The following PTCHD4 variants were observed in gnomAD, a reference collection of about 807,000 sequenced individuals.
PTCHD4 encodes the protein patched domain containing 4.
A neutral mutation model predicts 58.1 loss-of-function variants in PTCHD4; 33 were observed. The observed-to-expected ratio is 0.57, with a 90% CI of 0.43 to 0.76. The LOEUF (loss-of-function observed/expected upper bound fraction) is 0.76. Among genes scored for constraint, PTCHD4 ranks in the 30% least tolerant of loss-of-function variants. PTCHD4 has a pLI of 0.00. For synonymous variants in PTCHD4, 478 were observed against 409.6 expected (o/e 1.17, Z -2.02); for missense variants, 1,058 against 1,027.1 (o/e 1.03, Z -0.41).
At chr6:47,944,214 A>G (rs973929737) in intron 4 of PTCHD4, among the ~76,000 whole-genome samples, 11 of 152,132 alleles carry the variant, frequency 7.2e-5, no homozygotes, top group Non-Finnish European at 1.6e-4. Context: ...TTTGGAAATC[A>G]ATGAAAGATT....
At position 47,864,411 on chromosome 6, in the gene PTCHD4, G is replaced by C. The variant is rs186949306; in HGVS notation, c.*13892C>G. 2.6e-5 allele frequency among the ~76,000 whole-genome samples: 4 copies of C among 151,590 alleles called. No individual in the cohort carries two copies. The highest frequency in any genetic ancestry group is 9.7e-5 in the African/African-American group (4 of 41,304). On this transcript the variant is annotated 3_prime_UTR_variant, in exon 5 of 5. Transcript: ENST00000339488. Reference sequence around the variant, plus strand: ...TAGTGGCTGCCTCTCATTTCTCTTTGCATTTACTCTCTATGTGTCTGGCAC... The same window carrying C: ...TAGTGGCTGCCTCTCATTTCTCTTTCCATTTACTCTCTATGTGTCTGGCAC...
At chr6:47,993,742 A>T (rs1768367365) in intron 4 of PTCHD4, among the ~76,000 whole-genome samples, 1 of 152,170 alleles carries the variant, frequency 6.6e-6, no homozygotes, top group Non-Finnish European at 1.5e-5. Context: ...AGGACTTCAG[A>T]TCCAGCAGGA....
intron 4 of PTCHD4, among the ~76,000 whole-genome samples, chr6:47,952,355 G>A (rs537916215): frequency 2.4e-4 from 37 of 151,760 alleles, no homozygotes; most frequent in African/African-American, 6.0e-4. Flanking sequence ...TTTTGTTGTC[G>A]GTCTATCAAC....
At chr6:47,930,578 A>T (rs2113904357) in intron 4 of PTCHD4, among the ~76,000 whole-genome samples, 1 of 152,324 alleles carries the variant, frequency 6.6e-6, no homozygotes, top group South Asian at 2.1e-4. Flanking sequence ...AAAACCTAAA[A>T]AAATAAAGTT....
chr6:48,088,841 C>T (rs1358363814), intron 1 of PTCHD4, among the ~76,000 whole-genome samples: 2 of 151,994 alleles, frequency 1.3e-5, no homozygotes, highest in Non-Finnish European at 2.9e-5. Flanking sequence ...GTCAGGAGTT[C>T]GAGACCAGCC....
chr6:47,945,603 CT>C (rs1363827875), intron 4 of PTCHD4, among the ~76,000 whole-genome samples: 1 of 151,838 alleles, frequency 6.6e-6, no homozygotes, highest in Non-Finnish European at 1.5e-5. Flanking sequence ...AACTGATTTT[CT>C]TTTGTGCAAA....
At chr6:47,906,683 G>A (rs976524529) in intron 4 of PTCHD4, among the ~76,000 whole-genome samples, 1 of 152,158 alleles carries the variant, frequency 6.6e-6, no homozygotes, top group Non-Finnish European at 1.5e-5. Flanking sequence ...AAAATCTTTA[G>A]TGTATATCTT....
intron 3 of PTCHD4, among the ~76,000 whole-genome samples, chr6:48,037,596 T>C (rs1763685355): frequency 6.6e-6 from 1 of 152,116 alleles, no homozygotes; most frequent in Non-Finnish European, 1.5e-5. Flanking sequence ...AAAGGAAGAC[T>C]TCAAAAGTTG....
chr6:48,090,521 C>G (rs1765343844), intron 1 of PTCHD4, among the ~76,000 whole-genome samples: 1 of 152,020 alleles, frequency 6.6e-6, no homozygotes, highest in Non-Finnish European at 1.5e-5. Context: ...AATATCTGTG[C>G]CAGGATTTTA....
At chr6:48,049,436 C>T (rs938900331) in intron 3 of PTCHD4, among the ~76,000 whole-genome samples, 1 of 152,072 alleles carries the variant, frequency 6.6e-6, no homozygotes, top group Non-Finnish European at 1.5e-5. Flanking sequence ...GCCTAGCTCT[C>T]AAGACTAAAA....
At position 47,861,465 on chromosome 6, in the gene PTCHD4, C is replaced by T. The variant is rs1763423497; in HGVS notation, c.*16838G>A. Among the ~76,000 whole-genome samples the T allele has an allele frequency of 6.6e-6, 1 of 151,732 alleles. No individual in the cohort carries two copies. Among genetic ancestry groups the T allele is most frequent in the Non-Finnish European group, 1.5e-5 (1 of 67,844 alleles). The stretch of plus-strand genomic sequence containing the variant: ...TAATTTCAAACAAAAAGATGTATAC[C>T]CTCAAGGCTGTATCTGCTGTGTTTA... On this transcript the variant is annotated 3_prime_UTR_variant, in exon 5 of 5. Transcript: ENST00000339488.
chr6:47,963,298 G>A (rs182530227), intron 4 of PTCHD4, among the ~76,000 whole-genome samples: 58 of 152,150 alleles, frequency 3.8e-4, no homozygotes, highest in African/African-American at 1.3e-3. Context: ...CCTCACATCT[G>A]TTAGGATGCC....
intron 4 of PTCHD4, among the ~76,000 whole-genome samples, chr6:47,978,773 A>C (rs1178465318): frequency 6.6e-6 from 1 of 152,162 alleles, no homozygotes; most frequent in Non-Finnish European, 1.5e-5. Context: ...TAAAGTCAGG[A>C]TTCAAAACTG....
intron 3 of PTCHD4, among the ~76,000 whole-genome samples, chr6:48,028,024 C>T (rs1318875058): frequency 6.6e-6 from 1 of 152,046 alleles, no homozygotes; most frequent in African/African-American, 2.4e-5. Context: ...TCACTATAAC[C>T]CCGGCCTCCT....
At chr6:48,059,564 G>A (rs960335294) in intron 3 of PTCHD4, among the ~76,000 whole-genome samples, 10 of 151,944 alleles carry the variant, frequency 6.6e-5, no homozygotes, top group African/African-American at 1.9e-4. Flanking sequence ...ACTTGAACCC[G>A]GGAGGCAGAG....
rs964111854 is a variant in PTCHD4, at chr6:48,088,528, T to C, written c.-969-18602A>G. Among the ~76,000 whole-genome samples, 4 of 152,128 alleles carry C rather than the reference T, an allele frequency of 2.6e-5. No homozygotes were observed. In the East Asian group the frequency reaches 7.7e-4, roughly 29 times the overall value. ...ATGCTCCTAAATTTGGATGATTGTG[T>C]AAATGTGAAAGTTATTGAAGGTGAC... On this transcript the variant is annotated intron_variant, in intron 1 of 4. Transcript: ENST00000339488.
At chr6:48,089,831 T>C (rs1765330580) in intron 1 of PTCHD4, among the ~76,000 whole-genome samples, 2 of 152,228 alleles carry the variant, frequency 1.3e-5, no homozygotes, top group Admixed American at 1.3e-4. Flanking sequence ...ACCTTAATGA[T>C]TAGGGCTTGC....
chr6:47,890,249 A>C (rs56771983), intron 4 of PTCHD4, among the ~76,000 whole-genome samples: 2,109 of 151,934 alleles, frequency 0.014, 52 homozygotes, highest in African/African-American at 0.049. Context: ...AAAAGTGAGA[A>C]GAGAAATAGC....
intron 1 of PTCHD4, among the ~76,000 whole-genome samples, chr6:48,073,783 T>C (rs1252612606): frequency 6.6e-6 from 1 of 152,180 alleles, no homozygotes; most frequent in East Asian, 1.9e-4. Context: ...GATGGTTTCT[T>C]CTGAAATGCA....
Sources: allele counts gnomAD v4.1 joint callset (sites outside exome capture counted in the v4.1 genomes callset), GRCh38; gene constraint gnomAD v4.1.1; transcripts MANE v1.5; gene names NCBI Gene and HGNC (gene_info 2026-07-23, HGNC 2026-07-21).